COPZ1: variants seen among roughly 807,000 people sequenced by gnomAD.
COPZ1 encodes coatomer subunit zeta-1.
A neutral mutation model predicts 31.7 loss-of-function variants in COPZ1; 4 were observed. That is an observed-to-expected ratio of 0.13 (90% CI 0.06 to 0.29). The LOEUF is 0.29. COPZ1 is among the 10% of genes least tolerant of loss of function. The probability of loss-of-function intolerance (pLI) is 1.00; values close to 1 mark genes in which losing one functional copy is unlikely to be tolerated. For missense variants in COPZ1, 156 were observed against 211.5 expected (o/e 0.74, Z 1.63); for synonymous variants, 74 against 79.0 (o/e 0.94, Z 0.33).
chr12:54,336,004 G>A (rs1294121321), intron 1 of COPZ1, among the ~76,000 whole-genome samples: 2 of 152,124 alleles, frequency 1.3e-5, no homozygotes, highest in East Asian at 3.9e-4. Flanking sequence ...TGCTCTTTCA[G>A]CTCTGTAGAT....
chr12:54,334,654 C>T (rs1253442022), intron 1 of COPZ1, among the ~76,000 whole-genome samples: 1 of 151,684 alleles, frequency 6.6e-6, no homozygotes, highest in African/African-American at 2.4e-5. Context: ...GATATCTAGA[C>T]CATCCTGGCT....
At chr12:54,325,780 C>T (rs979654180) in intron 1 of COPZ1, 22 of 151,472 alleles carry the variant, frequency 1.5e-4, no homozygotes, top group Middle Eastern at 3.4e-3. Context: ...ATTCTGTTCT[C>T]CTTTTCTCTA....
rs1954132812 is a variant in COPZ1, at chr12:54,350,703, C to T, written c.*180C>T. 6.5e-6 allele frequency: 4 copies of T among 612,682 alleles called. No homozygotes were observed. The highest frequency in any genetic ancestry group is 1.8e-5 in the African/African-American group (1 of 54,234). 38.0% of individuals were successfully genotyped at this position (612,682 alleles called of 1,614,324 possible). Reference sequence around the variant, plus strand: ...CCCCTACACCCTTCCTATTCTTTTTCATTCTTCTTGCAGTTCTGGGAGTAA... The same window carrying T: ...CCCCTACACCCTTCCTATTCTTTTTTATTCTTCTTGCAGTTCTGGGAGTAA... On this transcript the variant is annotated 3_prime_UTR_variant, in exon 9 of 9. Coordinates refer to ENST00000262061, the MANE Select transcript of COPZ1 (RefSeq NM_016057.3).
intron 1 of COPZ1, chr12:54,325,383 C>A: frequency 3.0e-6 from 2 of 667,682 alleles, no homozygotes; most frequent in Admixed American, 3.0e-5. Flanking sequence ...GGGGAGAGGG[C>A]ATAGAGTCGG....
intron 1 of COPZ1, among the ~76,000 whole-genome samples, chr12:54,333,986 C>T (rs1953807908): frequency 2.0e-5 from 3 of 152,068 alleles, no homozygotes; most frequent in Admixed American, 2.0e-4. Context: ...TAGTCAGCTA[C>T]TTGGGAGGCT....
intron 1 of COPZ1, among the ~76,000 whole-genome samples, chr12:54,339,982 T>C (rs1173038021): frequency 2.0e-4 from 10 of 49,522 alleles, no homozygotes; most frequent in Admixed American, 2.3e-4. Context: ...TGCCTGTGCG[T>C]GTGTGTGTGT....
chr12:54,333,834 T>C (rs978439573), intron 1 of COPZ1, among the ~76,000 whole-genome samples: 1 of 152,236 alleles, frequency 6.6e-6, no homozygotes, highest in African/African-American at 2.4e-5. Context: ...GAGTTTTTTC[T>C]TTATAACCAA....
intron 5 of COPZ1, among the ~76,000 whole-genome samples, chr12:54,347,173 CG>C (rs1296736491): frequency 5.3e-5 from 8 of 152,078 alleles, no homozygotes; most frequent in African/African-American, 1.7e-4. Flanking sequence ...GTAATTCATT[CG>C]GGTAATCTAG....
At chr12:54,327,562 G>T (rs1953677150) in intron 1 of COPZ1, among the ~76,000 whole-genome samples, 1 of 152,150 alleles carries the variant, frequency 6.6e-6, no homozygotes, top group Admixed American at 6.6e-5. Context: ...CTCCCAAAGT[G>T]CTAGGATTAT....
chr12:54,330,145 C>A (rs1280353013), intron 1 of COPZ1, among the ~76,000 whole-genome samples: 1 of 152,142 alleles, frequency 6.6e-6, no homozygotes, highest in Non-Finnish European at 1.5e-5. Flanking sequence ...TCAGCTAGGG[C>A]GCGAGCAGTG....
chr12:54,340,986 A>T (rs1565594167), intron 2 of COPZ1, among the ~76,000 whole-genome samples: 1 of 152,184 alleles, frequency 6.6e-6, no homozygotes, highest in Non-Finnish European at 1.5e-5. Flanking sequence ...GGTGTGAGCC[A>T]CCACACCCGG....
intron 1 of COPZ1, among the ~76,000 whole-genome samples, chr12:54,326,638 G>GGGGT (rs1491339410): frequency 1.1e-5 from 1 of 94,388 alleles, no homozygotes; most frequent in Non-Finnish European, 2.1e-5. Flanking sequence ...GCGATTTGGA[G>GGGGT]GGGTGTGTGT....
At position 54,349,593 on chromosome 12, in the gene COPZ1, C is replaced by T. The variant is rs369501115; in HGVS notation, c.448-27C>T. On this transcript the variant is annotated intron_variant, in intron 7 of 8. Coordinates refer to ENST00000262061, the MANE Select transcript of COPZ1 (RefSeq NM_016057.3). ...GGTCTTACTCCAGCTTTCTCCCACA[C>T]TAAATGCTTGTATCTCTGTGCCATA... is the stretch of plus-strand genomic sequence containing the variant. 2.5e-6 allele frequency: 4 copies of T among 1,603,002 alleles called. No homozygotes were observed. In the African/African-American group the frequency reaches 4.0e-5, roughly 16 times the overall value.
intron 3 of COPZ1, among the ~76,000 whole-genome samples, chr12:54,342,865 T>A (rs1953997745): frequency 6.7e-6 from 1 of 148,822 alleles, no homozygotes; most frequent in Non-Finnish European, 1.5e-5. Context: ...TTTTTTTTTT[T>A]TTTTTTTTTG....
rs779085336 is a variant in COPZ1, at chr12:54,340,534, C to T, written c.19-13C>T. 1.8e-5 allele frequency: 29 copies of T among 1,613,578 alleles called. No homozygotes were observed. The highest frequency in any genetic ancestry group is 1.1e-4 in the East Asian group (5 of 44,878). ...GAGGCTTCAGGACTGAAGGTATGTT[C>T]GTATCTCTTCAGGAACCTTCCCTGT... is the stretch of plus-strand genomic sequence containing the variant. On this transcript the variant is annotated splice_polypyrimidine_tract_variant and intron_variant, in intron 1 of 8. Coordinates refer to ENST00000262061, the MANE Select transcript of COPZ1 (RefSeq NM_016057.3).
intron 1 of COPZ1, among the ~76,000 whole-genome samples, chr12:54,331,144 T>A (rs1266574862): frequency 6.6e-6 from 1 of 152,046 alleles, no homozygotes; most frequent in African/African-American, 2.4e-5. Context: ...TGAAGCCTGC[T>A]TTTTTATTTG....
At chr12:54,343,203 T>A in intron 3 of COPZ1, 22 bp from the exon 4 acceptor site, 1 of 1,592,110 alleles carries the variant, frequency 6.3e-7, no homozygotes, top group Non-Finnish European at 8.6e-7. Context: ...ACCCACTATT[T>A]TTACTTTTTT....
At chr12:54,328,212 G>A (rs775482772) in intron 1 of COPZ1, among the ~76,000 whole-genome samples, 1 of 149,876 alleles carries the variant, frequency 6.7e-6, no homozygotes, top group Admixed American at 6.8e-5. Context: ...GGAGGCAGAG[G>A]TTGCAGTGAG....
Position 54,345,698 on chromosome 12 carries a change from T to G in COPZ1, c.317+183T>G, listed in dbSNP as rs576265267. 3.2e-4 allele frequency among the ~76,000 whole-genome samples: 49 copies of G among 152,130 alleles called. 1 individual carries two copies. The highest frequency in any genetic ancestry group is 1.2e-3 in the African/African-American group (49 of 41,512). On this transcript the variant is annotated intron_variant, in intron 5 of 8. Coordinates refer to ENST00000262061, the MANE Select transcript of COPZ1 (RefSeq NM_016057.3). ...TTTTGCCGGGCTCAGTGGCTCACGT[T>G]CGTAATCCCAGTACTTTGGGAGGCC... is the stretch of plus-strand genomic sequence containing the variant.
Sources: gnomAD v4.1 joint callset for allele counts (sites outside exome capture counted in the v4.1 genomes callset) on GRCh38, gnomAD v4.1.1 for gene constraint, MANE v1.5 for transcripts, NCBI Gene and HGNC (gene_info 2026-07-23, HGNC 2026-07-21) for gene names.